The following COL4A3 variants were observed in gnomAD, a reference collection of about 807,000 sequenced individuals.
COL4A3 encodes the protein collagen type IV alpha 3 chain, also known as collagen alpha-3(IV) chain.
COL4A3 carries 135 observed loss-of-function variants against 217.4 expected under a neutral mutation model. The ratio of observed to expected loss-of-function variants is 0.62; its 90% CI spans 0.54 to 0.72. The LOEUF is 0.72. Ranked by LOEUF, COL4A3 falls within the 30% of genes least tolerant of loss-of-function variation. The pLI is 0.00. For missense variants in COL4A3, 1,868 were observed against 2,119.9 expected (o/e 0.88, Z 2.33); for synonymous variants, 690 against 736.3 (o/e 0.94, Z 1.02).
At chr2:227,280,848 C>CT (rs1406454550) in intron 30 of COL4A3, 45 bp from the exon 31 acceptor site, 40 of 1,392,248 alleles carry the variant, frequency 2.9e-5, no homozygotes, top group Non-Finnish European at 3.7e-5. Flanking sequence ...ATACCAAGAC[C>CT]TTAAGTTCTA....
chr2:227,167,813 C>G (rs985441529), intron 1 of COL4A3, among the ~76,000 whole-genome samples: 8 of 151,916 alleles, frequency 5.3e-5, no homozygotes, highest in African/African-American at 1.9e-4. Context: ...AAAAAAAAAT[C>G]TGAATACAGA....
chr2:227,183,940 A>T (rs1444061584), intron 1 of COL4A3, among the ~76,000 whole-genome samples: 1 of 152,102 alleles, frequency 6.6e-6, no homozygotes, highest in East Asian at 1.9e-4. Context: ...GATTCTCACA[A>T]CAGCCCTGGG....
intron 1 of COL4A3, among the ~76,000 whole-genome samples, chr2:227,235,829 A>G (rs2068663171): frequency 7.2e-6 from 1 of 138,680 alleles, no homozygotes; most frequent in African/African-American, 2.7e-5. Flanking sequence ...GCTTGAGTGC[A>G]ATGGCGCAAT....
chr2:227,240,168 C>T lies in COL4A3; in HGVS notation c.170C>T (p.Pro57Leu), dbSNP rs759289956. The T allele has an allele frequency of 1.4e-5, 23 of 1,611,038 alleles. No individual in the cohort carries two copies. The South Asian group carries it at 1.9e-4, about 13-fold the overall frequency. Residue 57 changes from proline to leucine, a missense_variant, in exon 3 of 52, where the codon CCC becomes CTC. This residue lies in a region of COL4A3 where 365 missense variants were observed against 333.8 expected (regional missense o/e 1.09). Coordinates refer to ENST00000396578, the MANE Select transcript of COL4A3 (RefSeq NM_000091.5). ...GGGGAGAAGGGCTTTCCTGGACCCC[C>T]CGGTTCTCCTGGCCAGAAAGGATTC... ...EKGEKGFPGP[P>L]GSPGQKGFTG...
intron 1 of COL4A3, among the ~76,000 whole-genome samples, chr2:227,173,506 C>G (rs1653508756): frequency 6.6e-6 from 1 of 152,168 alleles, no homozygotes; most frequent in South Asian, 2.1e-4. Context: ...CCTCCGATTT[C>G]AGGTCCATTT....
In COL4A3 at chr2:227,257,120, A is replaced by G. The variant is rs149462494; in HGVS notation, c.988-483A>G. 3.2e-3 allele frequency among the ~76,000 whole-genome samples: 493 copies of G among 152,350 alleles called. 6 individuals are homozygous for G. The highest frequency in any genetic ancestry group is 0.014 in the Middle Eastern group (4 of 294). On this transcript the variant is annotated intron_variant, in intron 17 of 51. Coordinates refer to ENST00000396578, the MANE Select transcript of COL4A3 (RefSeq NM_000091.5). ...ATATACACAGTCCATCACTGACCCA[A>G]ACATTGTCATGTGGCACATGGCTAT...
At chr2:227,196,645 C>T (rs1051011897) in intron 1 of COL4A3, among the ~76,000 whole-genome samples, 7 of 152,020 alleles carry the variant, frequency 4.6e-5, no homozygotes, top group East Asian at 1.9e-4. Flanking sequence ...GCATTTTTAC[C>T]GTATATTTTC....
rs369551948 is a variant in COL4A3 at position 227,297,829 on chromosome 2, C to T, written c.3721C>T (p.Arg1241Cys). 1.2e-5 allele frequency: 18 copies of T among 1,563,734 alleles called. No homozygotes were observed. The highest frequency in any genetic ancestry group is 7.1e-5 in the South Asian group (6 of 84,924). ...GAIIPGQTGNRGPPGSRGSPG... is the reference protein window; with the variant it reads ...GAIIPGQTGNCGPPGSRGSPG... ...AATTATCCCTGGCCAGACAGGAAAT[C>T]GTGGTCCACCAGGCTCAAGAGGAAG... The change falls in exon 42 of 52, where the codon CGT (arginine) becomes TGT (cysteine). Residue 1241 changes from arginine to cysteine, a missense_variant. Arg to Cys is a radical substitution (Grantham distance 180, BLOSUM62 -3). Transcript: ENST00000396578.
At chr2:227,237,940 A>G in intron 1 of COL4A3, 28 bp from the exon 2 acceptor site, 1 of 1,578,338 alleles carries the variant, frequency 6.3e-7, no homozygotes. Flanking sequence ...GTTTCTAAAC[A>G]AAACCCTTTC....
chr2:227,271,114 T>C (rs906735493), intron 25 of COL4A3, among the ~76,000 whole-genome samples, 162 bp downstream of exon 25: 1 of 152,198 alleles, frequency 6.6e-6, no homozygotes, highest in Non-Finnish European at 1.5e-5. Flanking sequence ...AAGCAAATAG[T>C]TATAGTATTT....
At chr2:227,214,232 G>A (rs1445897313) in intron 1 of COL4A3, among the ~76,000 whole-genome samples, 1 of 152,080 alleles carries the variant, frequency 6.6e-6, no homozygotes, top group African/African-American at 2.4e-5. Flanking sequence ...GTCTAAATAT[G>A]CATTCTGAGG....
intron 18 of COL4A3, among the ~76,000 whole-genome samples, chr2:227,258,561 C>CT (rs918476529): frequency 6.6e-6 from 1 of 152,114 alleles, no homozygotes; most frequent in African/African-American, 2.4e-5. Context: ...CTGGTGAGGG[C>CT]TTTTTTGGCT....
chr2:227,303,782 G>A (rs996090874), intron 44 of COL4A3, 77 bp from the exon 45 acceptor site: 2 of 1,366,302 alleles, frequency 1.5e-6, no homozygotes, highest in Non-Finnish European at 2.1e-6. Flanking sequence ...TTTGTCCTTA[G>A]AGTCAATCAT....
chr2:227,294,627 G>A, intron 39 of COL4A3, 57 bp downstream of exon 39: 2 of 1,292,706 alleles, frequency 1.5e-6, no homozygotes, highest in South Asian at 2.4e-5. Context: ...ATTTTCTCCT[G>A]AGGTTTGGAT....
chr2:227,256,213 C>A, intron 16 of COL4A3, 130 bp from the exon 17 acceptor site: 1 of 1,121,118 alleles, frequency 8.9e-7, no homozygotes, highest in Non-Finnish European at 1.4e-6. Flanking sequence ...CATAGTTTTA[C>A]ATCCCCACTG....
At chr2:227,254,827 GTTCT>G in intron 15 of COL4A3, 112 bp downstream of exon 15, 2 of 810,756 alleles carry the variant, frequency 2.5e-6, no homozygotes, top group Non-Finnish European at 4.3e-6. Flanking sequence ...AAAAATTTCT[GTTCT>G]TTAAGATTTG....
intron 29 of COL4A3, 125 bp from the exon 30 acceptor site, chr2:227,280,314 CA>C: frequency 9.3e-7 from 1 of 1,074,320 alleles, no homozygotes; most frequent in South Asian, 1.4e-5. Flanking sequence ...AACTAGAGCT[CA>C]AAAAGGAAAG....
At chr2:227,240,301 C>A in intron 3 of COL4A3, 69 bp downstream of exon 3, 1 of 1,412,108 alleles carries the variant, frequency 7.1e-7, no homozygotes, top group Non-Finnish European at 9.8e-7. Flanking sequence ...CCCCTGGCTG[C>A]TGCAAACCTG....
At position 227,309,039 on chromosome 2, in the gene COL4A3, C is replaced by T; in HGVS notation, c.4603C>T (p.Pro1535Ser). 1 of 1,614,162 alleles carries T rather than the reference C, an allele frequency of 6.2e-7. No individual in the cohort carries two copies. The change falls in exon 49 of 52, where the codon CCC (proline) becomes TCC (serine). Residue 1535 changes from proline (P) to serine (S), a missense_variant. Physicochemically the swap from Pro to Ser is moderately conservative, Grantham distance 74. This residue lies in a region of COL4A3 where 1,503 missense variants were observed against 1,786.1 expected (regional missense o/e 0.84). Coordinates refer to ENST00000396578, the MANE Select transcript of COL4A3 (RefSeq NM_000091.5). ...TPALMPMNMA[P>S]ITGRALEPYI... Reference sequence around the variant, plus strand: ...AGCTCTGATGCCAATGAACATGGCTCCCATTACTGGCAGAGCCCTTGAGCC... The same window carrying T: ...AGCTCTGATGCCAATGAACATGGCTTCCATTACTGGCAGAGCCCTTGAGCC...
Sources: allele counts gnomAD v4.1 joint callset (sites outside exome capture counted in the v4.1 genomes callset), GRCh38; gene constraint gnomAD v4.1.1; regional missense constraint gnomAD v4.1.1; transcripts MANE v1.5; gene names NCBI Gene and HGNC (gene_info 2026-07-23, HGNC 2026-07-21).